Variants in BZW1 observed in about 807,000 individuals in gnomAD.
The protein encoded by BZW1 is eIF5-mimic protein 2.
A neutral mutation model predicts 54.1 loss-of-function variants in BZW1; 3 were observed. That is an observed-to-expected ratio of 0.06 (90% CI 0.03 to 0.14). The LOEUF (loss-of-function observed/expected upper bound fraction) is 0.14, where lower values mean the gene tolerates loss of function less well. BZW1 is among the 10% of genes least tolerant of loss of function. The probability of loss-of-function intolerance (pLI) is 1.00; values close to 1 mark genes in which losing one functional copy is unlikely to be tolerated. For missense variants in BZW1, 206 were observed against 491.7 expected (o/e 0.42, Z 5.50); for synonymous variants, 152 against 162.7 (o/e 0.93, Z 0.50).
At chr2:200,817,836 C>G (rs2038349666) in intron 6 of BZW1, 138 bp from the exon 7 acceptor site, 1 of 591,902 alleles carries the variant, frequency 1.7e-6, no homozygotes, top group African/African-American at 1.9e-5. Flanking sequence ...AAACTGTGGC[C>G]CAGGAAAGTT....
intron 4 of BZW1, 123 bp downstream of exon 4, chr2:200,815,884 A>C (rs949941319): frequency 1.0e-6 from 1 of 981,986 alleles, no homozygotes; most frequent in Non-Finnish European, 1.5e-6. Context: ...AATTTTAGGG[A>C]TACTGTTCTT....
At chr2:200,818,967 CTA>C (rs2038400728) in intron 9 of BZW1, 66 bp downstream of exon 9, 8 of 1,481,808 alleles carry the variant, frequency 5.4e-6, no homozygotes, top group Non-Finnish European at 5.4e-6. Flanking sequence ...TGAACTGTGA[CTA>C]TATTTTTCTA....
At chr2:200,817,023 G>A in intron 5 of BZW1, 83 bp from the exon 6 acceptor site, 1 of 1,492,892 alleles carries the variant, frequency 6.7e-7, no homozygotes, top group Non-Finnish European at 9.1e-7. Flanking sequence ...GTATTGAACA[G>A]GTAGCCAGTA....
At chr2:200,812,157 G>A (rs1023517400) in intron 1 of BZW1, 167 bp downstream of exon 1, 4 of 1,130,288 alleles carry the variant, frequency 3.5e-6, no homozygotes, top group Middle Eastern at 3.3e-4. Flanking sequence ...CGCCGCTTCG[G>A]CAGGGAGGCC....
upstream of BZW1, chr2:200,811,678 G>A (rs2038066529): frequency 6.6e-6 from 1 of 152,328 alleles, no homozygotes; most frequent in Non-Finnish European, 1.5e-5. Flanking sequence ...CGCAGCGGGG[G>A]AAGAAAAATA....
Position 200,822,078 on chromosome 2 carries a change from T to C in BZW1, c.1229-69T>C, listed in dbSNP as rs533302320. On this transcript the variant is annotated intron_variant, in intron 11 of 11. Transcript: ENST00000409600. ...AGGGAGACTCTGTCTTAAAGAAGCTTCAAAGTTATAAATGGGAACTTTTGC... is the reference window on the plus strand; with the variant it reads ...AGGGAGACTCTGTCTTAAAGAAGCTCCAAAGTTATAAATGGGAACTTTTGC... 1.7e-5 allele frequency: 25 copies of C among 1,433,466 alleles called. No homozygotes were observed. In the Admixed American group the frequency reaches 2.3e-4, roughly 13 times the overall value. 88.8% of individuals were successfully genotyped at this position (1,433,466 alleles called of 1,614,324 possible).
rs970844317 is a variant in BZW1 at position 200,817,650 on chromosome 2, T to C, written c.539-324T>C. The stretch of plus-strand genomic sequence containing the variant: ...AGTAATTTTTTTGAAGCTTTTTTTT[T>C]TTTAAAAAACTGCTTGCAGTAGTGA... On this transcript the variant is annotated intron_variant, in intron 6 of 11. Coordinates refer to ENST00000409600, the MANE Select transcript of BZW1 (RefSeq NM_001207067.2). 1.1e-4 allele frequency among the ~76,000 whole-genome samples: 16 copies of C among 152,272 alleles called. No individual in the cohort carries two copies. The East Asian group carries it at 2.9e-3, about 27-fold the overall frequency.
rs1178514814 is a variant in BZW1 at position 200,827,328 on chromosome 2, T to C, written c.*5150T>C. The C allele has an allele frequency of 1.3e-5, 2 of 152,220 alleles. No individual in the cohort carries two copies. Among genetic ancestry groups the C allele is most frequent in the East Asian group, 1.9e-4 (1 of 5,202 alleles). 9.4% of individuals were successfully genotyped at this position (152,220 alleles called of 1,614,324 possible). A position where few individuals can be genotyped will look rare whatever the true frequency, so the allele number is the denominator to read the frequency against. ...AAAATTTCATGAGACTCCTTGTTAA[T>C]GTAGAGAAAAGCAATGACTGTTCAG... On this transcript the variant is annotated 3_prime_UTR_variant, in exon 12 of 12. Coordinates refer to ENST00000409600, the MANE Select transcript of BZW1 (RefSeq NM_001207067.2).
Position 200,811,910 on chromosome 2 carries a change from A to C in BZW1, c.-91A>C. Reference sequence around the variant, plus strand: ...GGCACCTCTCCCTCCTCCTGGCGTTAGTTCCGGTCGCAGAGGAGACACCGC... The same window carrying C: ...GGCACCTCTCCCTCCTCCTGGCGTTCGTTCCGGTCGCAGAGGAGACACCGC... On this transcript the variant is annotated 5_prime_UTR_variant, in exon 1 of 12. Coordinates refer to ENST00000409600, the MANE Select transcript of BZW1 (RefSeq NM_001207067.2). 1 of 216,470 alleles carries C rather than the reference A, an allele frequency of 4.6e-6. No homozygotes were observed. Among genetic ancestry groups the C allele is most frequent in the Non-Finnish European group, 9.1e-6 (1 of 109,996 alleles). The allele number at this position is 216,470 out of a possible 1,614,324, so 13.4% of individuals were successfully genotyped here.
At chr2:200,812,355 C>G (rs979523941) in intron 1 of BZW1, 1 of 1,278,278 alleles carries the variant, frequency 7.8e-7, no homozygotes, top group East Asian at 3.1e-5. Context: ...GGCTGCCACC[C>G]ACCACCGCTG....
chr2:200,817,274 C>T (rs781494848), intron 6 of BZW1, 33 bp downstream of exon 6: 1 of 1,606,422 alleles, frequency 6.2e-7, no homozygotes, highest in Non-Finnish European at 8.5e-7. Flanking sequence ...CTTCAGTTGA[C>T]TCAGAGTGGG....
At chr2:200,814,180 A>G (rs2038202990) in intron 2 of BZW1, among the ~76,000 whole-genome samples, 1 of 152,256 alleles carries the variant, frequency 6.6e-6, no homozygotes, top group South Asian at 2.1e-4. Context: ...TGGCAGTAAA[A>G]TGGGAAAGTG....
chr2:200,815,574 T>A (rs1333956522), intron 3 of BZW1, 57 bp downstream of exon 3: 2 of 1,603,866 alleles, frequency 1.2e-6, no homozygotes, highest in East Asian at 4.5e-5. Context: ...ATATGGAGAT[T>A]ATGGAGAGTC....
At chr2:200,812,586 A>G (rs1575045191) in intron 1 of BZW1, 1 of 1,392,078 alleles carries the variant, frequency 7.2e-7, no homozygotes. Context: ...CTCGGGCGGG[A>G]GGCATGGGAA....
At chr2:200,811,609 A>C (rs1559307364), upstream of BZW1, 1 of 152,070 alleles carries the variant, frequency 6.6e-6, no homozygotes. Flanking sequence ...TCCAACTTCG[A>C]GACCGGCGGG....
Position 200,818,721 on chromosome 2 carries a change from T to A in BZW1, c.820-34T>A, listed in dbSNP as rs41271449. The A allele has an allele frequency of 2.5e-3, 3,954 of 1,567,482 alleles. 7 individuals carry two copies. The highest frequency in any genetic ancestry group is 7.5e-3 in the Admixed American group (346 of 46,334). On this transcript the variant is annotated intron_variant, in intron 8 of 11. Transcript: ENST00000409600. ...TGTGAAGTATGTACATAATCAAAAC[T>A]GACTTCTGTTACTAAATTTGGATTC...
In BZW1 at chr2:200,822,212, G is replaced by A; in HGVS notation, c.*34G>A. 1.3e-6 allele frequency: 2 copies of A among 1,534,994 alleles called. No homozygotes were observed. Among genetic ancestry groups the A allele is most frequent in the Non-Finnish European group, 1.8e-6 (2 of 1,119,570 alleles). ...ACTACACCCTCAGTAAAGCAAACAG[G>A]AGTTGTAGATAAAATGTCATGTCTC... On this transcript the variant is annotated 3_prime_UTR_variant, in exon 12 of 12. Transcript: ENST00000409600.
intron 2 of BZW1, among the ~76,000 whole-genome samples, chr2:200,814,145 G>T (rs903054566): frequency 6.6e-6 from 1 of 152,232 alleles, no homozygotes; most frequent in Non-Finnish European, 1.5e-5. Context: ...TTCTTAAGGA[G>T]CTGGAGTTGT....
At chr2:200,814,947 A>G (rs1288606660) in intron 2 of BZW1, among the ~76,000 whole-genome samples, 6 of 152,292 alleles carry the variant, frequency 3.9e-5, no homozygotes, top group South Asian at 2.1e-4. Flanking sequence ...GATTGGTTCA[A>G]TTTTTTTGTT....
Sources: allele counts gnomAD v4.1 joint callset (sites outside exome capture counted in the v4.1 genomes callset), GRCh38; gene constraint gnomAD v4.1.1; transcripts MANE v1.5; gene names NCBI Gene and HGNC (gene_info 2026-07-23, HGNC 2026-07-21).